The following ARSG variants were observed in gnomAD, a reference collection of about 807,000 sequenced individuals.
ARSG encodes the protein ASG.
ARSG carries 37 observed loss-of-function variants against 50.5 expected under a neutral mutation model. That is an observed-to-expected ratio of 0.73 (90% CI 0.56 to 0.96). The LOEUF (loss-of-function observed/expected upper bound fraction) is 0.96, where lower values mean the gene tolerates loss of function less well. ARSG is among the 50% of genes least tolerant of loss of function. The pLI is 0.00. For synonymous variants in ARSG, 225 were observed against 254.6 expected (o/e 0.88, Z 1.11); for missense variants, 629 against 675.3 (o/e 0.93, Z 0.76).
Position 68,271,489 on chromosome 17 carries a change from T to C in ARSG, c.-552+12063T>C. 1.2e-6 allele frequency: 2 copies of C among 1,614,190 alleles called. No homozygotes were observed. The highest frequency in any genetic ancestry group is 1.1e-5 in the South Asian group (1 of 91,084). On this transcript the variant is annotated intron_variant, in intron 1 of 11. Coordinates refer to the ARSG transcript ENST00000448504. This position sits in a 1 kb window ranked among gnomAD's most constrained non-coding sequence, Gnocchi z 5.3. The stretch of plus-strand genomic sequence containing the variant: ...TCGTGTTTTCTCATTTTCAAGCATA[T>C]ACTGCGCTTCTTTCCGATTTTCCTG...
intron 1 of ARSG, among the ~76,000 whole-genome samples, chr17:68,279,029 A>C (rs897012462): frequency 2.0e-5 from 3 of 152,226 alleles, no homozygotes; most frequent in Non-Finnish European, 2.9e-5. Context: ...TCCCAAAAAG[A>C]AAGTTAAATG....
chr17:68,296,837 A>G (rs2145366602), intron 1 of ARSG, among the ~76,000 whole-genome samples: 1 of 152,320 alleles, frequency 6.6e-6, no homozygotes, highest in East Asian at 1.9e-4. Context: ...GTTACGTAAA[A>G]CAGCATTTCA....
chr17:68,280,255 C>G (rs1555752266), intron 1 of ARSG, among the ~76,000 whole-genome samples: 1 of 148,654 alleles, frequency 6.7e-6, no homozygotes, highest in African/African-American at 2.5e-5. Flanking sequence ...TATCAAAATA[C>G]CAATGACATT....
chr17:68,401,449 C>T lies in ARSG; in HGVS notation c.1302C>T (p.Thr434=), dbSNP rs760209439. 1.4e-5 allele frequency: 23 copies of T among 1,613,690 alleles called. No homozygotes were observed. The highest frequency in any genetic ancestry group is 1.9e-5 in the Non-Finnish European group (22 of 1,179,678). Reference sequence around the variant, plus strand: ...AGCGTTACAAGGCCTTCTACATTACCGGTGAGTGAGGGGCCACTTAGCCCT... The same window carrying T: ...AGCGTTACAAGGCCTTCTACATTACTGGTGAGTGAGGGGCCACTTAGCCCT... ...RLERYKAFYI[T]GGARACDGST... The change falls in exon 11 of 12, where the codon ACC becomes ACT. Residue 434 remains threonine, a splice_region_variant and synonymous_variant. Coordinates refer to ENST00000621439, the MANE Select transcript of ARSG (RefSeq NM_001267727.2).
the ARSG span, among the ~76,000 whole-genome samples, chr17:68,450,507 C>T: frequency 1.9e-3 from 292 of 152,326 alleles, 3 homozygotes; most frequent in African/African-American, 6.3e-3. Context: ...CAGGGACCAA[C>T]GTTCTGGAAA....
chr17:68,426,114 C>T (rs759100695), downstream of ARSG: 7 of 1,612,658 alleles, frequency 4.3e-6, no homozygotes, highest in Admixed American at 5.0e-5. Flanking sequence ...ACACTGGTCC[C>T]GTCGCAAACT....
At chr17:68,299,385 A>G (rs1010979243) in intron 1 of ARSG, among the ~76,000 whole-genome samples, 3 of 151,996 alleles carry the variant, frequency 2.0e-5, no homozygotes, top group Non-Finnish European at 4.4e-5. Flanking sequence ...GATTACAGGC[A>G]TGAGCCACCG....
intron 1 of ARSG, chr17:68,268,169 TA>T (rs2075213471): frequency 6.6e-6 from 1 of 152,366 alleles, no homozygotes; most frequent in Non-Finnish European, 1.5e-5. Context: ...GTGAGGCATT[TA>T]AAGGATTGCA....
intron 1 of ARSG, among the ~76,000 whole-genome samples, chr17:68,294,278 G>A (rs2076127768): frequency 6.6e-6 from 1 of 152,162 alleles, no homozygotes; most frequent in South Asian, 2.1e-4. Context: ...TGTCCCCAAG[G>A]CTCCCTCTTT....
At chr17:68,278,414 A>T in intron 1 of ARSG, 1 of 747,642 alleles carries the variant, frequency 1.3e-6, no homozygotes, top group Non-Finnish European at 2.2e-6. Flanking sequence ...ACAGATAAGA[A>T]CTACTTACCC....
In ARSG at chr17:68,378,232, T is replaced by G. The variant is rs1165576606; in HGVS notation, c.983-6832T>G. Among the ~76,000 whole-genome samples, 1 of 152,204 alleles carries G rather than the reference T, an allele frequency of 6.6e-6. No homozygotes were observed. The highest frequency in any genetic ancestry group is 2.4e-5 in the African/African-American group (1 of 41,458). ...TACAGGGGCCAGACTCAAGAGCAGA[T>G]GAAAGAGAGAAGGCGGTCAATGTTT... is the stretch of plus-strand genomic sequence containing the variant. On this transcript the variant is annotated intron_variant, in intron 8 of 11. Coordinates refer to ENST00000621439, the MANE Select transcript of ARSG (RefSeq NM_001267727.2). The surrounding 1 kb of genome is among the most constrained non-coding windows in gnomAD (Gnocchi z 4.4).
chr17:68,428,384 A>C, the ARSG span: 1 of 172,546 alleles, frequency 5.8e-6, no homozygotes, highest in African/African-American at 2.4e-5. Flanking sequence ...GTGTGCCACC[A>C]CAACCGGCTA....
At chr17:68,406,196 C>G (rs911118951) in intron 11 of ARSG, among the ~76,000 whole-genome samples, 1 of 152,234 alleles carries the variant, frequency 6.6e-6, no homozygotes, top group Middle Eastern at 3.4e-3. Flanking sequence ...CCAGTCTCAC[C>G]CAGGTTGCTG....
chr17:68,299,255 C>A (rs2076324608), intron 1 of ARSG, among the ~76,000 whole-genome samples: 1 of 151,900 alleles, frequency 6.6e-6, no homozygotes, highest in African/African-American at 2.4e-5. Context: ...CAGGCGCCCA[C>A]CACCACGCCC....
Position 68,357,970 on chromosome 17 carries a change from A to G in ARSG, c.704+1166A>G, listed in dbSNP as rs545642412. On this transcript the variant is annotated intron_variant, in intron 6 of 11. Coordinates refer to ENST00000621439, the MANE Select transcript of ARSG (RefSeq NM_001267727.2). ...TATAATCCCAGCACTTTGGGAGGCC[A>G]AGATGGGCAGATTGTTTGAGTCTAG... 6.0e-4 allele frequency among the ~76,000 whole-genome samples: 92 copies of G among 152,284 alleles called. 1 individual carries two copies. The South Asian group carries it at 0.017, about 28-fold the overall frequency.
At chr17:68,268,931 C>A in intron 1 of ARSG, 22 of 1,398,534 alleles carry the variant, frequency 1.6e-5, no homozygotes, top group South Asian at 3.0e-5. Flanking sequence ...CAAAACAAAA[C>A]AAAACAAAAG....
At chr17:68,451,225 G>A in the ARSG span, among the ~76,000 whole-genome samples, 3 of 152,364 alleles carry the variant, frequency 2.0e-5, no homozygotes, top group Admixed American at 2.0e-4. Flanking sequence ...GAGGCCAGGA[G>A]TTCAAGACCA....
At chr17:68,275,992 A>C (rs2075504354) in intron 1 of ARSG, among the ~76,000 whole-genome samples, 1 of 150,598 alleles carries the variant, frequency 6.6e-6, no homozygotes, top group Non-Finnish European at 1.5e-5. Flanking sequence ...CAAAAAAAAA[A>C]AAAATTAAGT....
intron 1 of ARSG, among the ~76,000 whole-genome samples, chr17:68,270,227 T>C (rs1192978786): frequency 1.3e-5 from 2 of 152,088 alleles, no homozygotes; most frequent in Non-Finnish European, 2.9e-5. Context: ...AATCCATGAG[T>C]TCTTGCCTAG....
Sources: gnomAD v4.1 joint callset for allele counts (sites outside exome capture counted in the v4.1 genomes callset) on GRCh38, gnomAD v4.1.1 for gene constraint, Gnocchi (gnomAD v3.1) non-coding constraint, MANE v1.5 for transcripts, NCBI Gene and HGNC (gene_info 2026-07-23, HGNC 2026-07-21) for gene names.